The following LSAMP variants were observed in gnomAD, a reference collection of about 807,000 sequenced individuals.
LSAMP encodes the protein limbic system-associated membrane protein.
Under a neutral mutation model 38.6 loss-of-function variants are expected in LSAMP, and 7 were observed. The ratio of observed to expected loss-of-function variants is 0.18; its 90% CI spans 0.10 to 0.34. The LOEUF (loss-of-function observed/expected upper bound fraction) is 0.34, where lower values mean the gene tolerates loss of function less well. Ranked by LOEUF, LSAMP falls within the 10% of genes least tolerant of loss-of-function variation. The probability of loss-of-function intolerance (pLI) is 1.00; values close to 1 mark genes in which losing one functional copy is unlikely to be tolerated. For synonymous variants in LSAMP, 154 were observed against 166.8 expected, an observed-to-expected ratio of 0.92 and a Z score of 0.59; for missense variants, 313 against 420.0, an observed-to-expected ratio of 0.75 and a Z score of 2.23.
chr3:116,348,353 C>G (rs1027567784), intron 1 of LSAMP, among the ~76,000 whole-genome samples: 2 of 151,958 alleles, frequency 1.3e-5, no homozygotes, highest in African/African-American at 4.8e-5. Flanking sequence ...AATAAGGAAC[C>G]CATACCAAAA....
At chr3:116,121,381 G>A (rs186414482) in intron 1 of LSAMP, among the ~76,000 whole-genome samples, 26 of 151,918 alleles carry the variant, frequency 1.7e-4, no homozygotes, top group Non-Finnish European at 3.2e-4. Context: ...TCCTAGCGGA[G>A]TATAGTGGGA....
chr3:116,352,454 CAG>C (rs2048155438), intron 1 of LSAMP, among the ~76,000 whole-genome samples: 1 of 152,012 alleles, frequency 6.6e-6, no homozygotes. Context: ...CAAGTAGAGA[CAG>C]AAGAACTGAG....
At chr3:116,019,820 A>C (rs1039110727) in intron 2 of LSAMP, among the ~76,000 whole-genome samples, 180 bp from the exon 3 acceptor site, 5 of 152,284 alleles carry the variant, frequency 3.3e-5, no homozygotes, top group African/African-American at 9.6e-5. Flanking sequence ...AGTTGTCCTA[A>C]AGCACTACTA....
intron 6 of LSAMP, among the ~76,000 whole-genome samples, chr3:115,813,821 T>C (rs1933921302): frequency 6.6e-6 from 1 of 152,200 alleles, no homozygotes; most frequent in Non-Finnish European, 1.5e-5. Flanking sequence ...AAATTTCTGC[T>C]TATTTGTGGA....
chr3:116,238,244 T>G (rs1353184068), intron 1 of LSAMP, among the ~76,000 whole-genome samples: 4 of 152,228 alleles, frequency 2.6e-5, no homozygotes, highest in African/African-American at 9.6e-5. Flanking sequence ...ACGAAGTTAT[T>G]GGCTCCCTCA....
chr3:116,308,107 T>A lies in LSAMP; in HGVS notation c.155+136770A>T, dbSNP rs1576497517. Among the ~76,000 whole-genome samples the A allele has an allele frequency of 2.6e-5, 4 of 152,116 alleles. No homozygotes were observed. The Middle Eastern group carries it at 0.01, about 388-fold the overall frequency. ...AACAGAAACTTGCTCACGCTGTTTC[T>A]TCTACCTAAAAACCTTTCCCCCTAC... On this transcript the variant is annotated intron_variant, in intron 1 of 6. Coordinates refer to ENST00000490035, the MANE Select transcript of LSAMP (RefSeq NM_002338.5).
At position 115,876,394 on chromosome 3, in the gene LSAMP, T is replaced by C. The variant is rs112217626; in HGVS notation, c.515-23777A>G. 9.8e-4 allele frequency among the ~76,000 whole-genome samples: 149 copies of C among 151,644 alleles called. 1 individual carries two copies. The highest frequency in any genetic ancestry group is 3.5e-3 in the African/African-American group (143 of 41,384). On this transcript the variant is annotated intron_variant, in intron 3 of 6. Coordinates refer to ENST00000490035, the MANE Select transcript of LSAMP (RefSeq NM_002338.5). The stretch of plus-strand genomic sequence containing the variant: ...ACATTTTACACACTCTGACCAGTAA[T>C]GCATTCAGACTCACCAACCAGTCCT...
chr3:116,254,045 A>C (rs2046719383), intron 1 of LSAMP, among the ~76,000 whole-genome samples: 1 of 152,176 alleles, frequency 6.6e-6, no homozygotes, highest in African/African-American at 2.4e-5. Context: ...TCCTTCATAG[A>C]GGATGTTTAA....
chr3:116,006,864 T>C (rs929839170), intron 3 of LSAMP, among the ~76,000 whole-genome samples: 1 of 152,234 alleles, frequency 6.6e-6, no homozygotes, highest in Non-Finnish European at 1.5e-5. Context: ...TCTCCTGGAT[T>C]GTTCTATGAA....
intron 3 of LSAMP, among the ~76,000 whole-genome samples, chr3:115,904,306 TA>T (rs1936954933): frequency 6.6e-6 from 1 of 152,112 alleles, no homozygotes; most frequent in Non-Finnish European, 1.5e-5. Flanking sequence ...TTTTAATTTC[TA>T]AAACAATGTA....
rs139519367 is a variant in LSAMP at position 115,818,129 on chromosome 3, C to T, written c.920-7715G>A. ...GAACCTAGTCCATTATTCCACAATA[C>T]CCCTTTGGCAGTTTTTATGAAAGCA... is the stretch of plus-strand genomic sequence containing the variant. On this transcript the variant is annotated intron_variant, in intron 6 of 6. Transcript: ENST00000490035. 4.3e-4 allele frequency among the ~76,000 whole-genome samples: 65 copies of T among 152,218 alleles called. 1 individual carries two copies. In the East Asian group the frequency reaches 8.1e-3, roughly 19 times the overall value.
At chr3:115,956,893 G>A (rs906978818) in intron 3 of LSAMP, among the ~76,000 whole-genome samples, 1 of 152,090 alleles carries the variant, frequency 6.6e-6, no homozygotes, top group African/African-American at 2.4e-5. Flanking sequence ...CCCCTTACAG[G>A]CTTCTTGAAG....
At chr3:116,335,813 C>T (rs1452501775) in intron 1 of LSAMP, among the ~76,000 whole-genome samples, 1 of 151,950 alleles carries the variant, frequency 6.6e-6, no homozygotes, top group African/African-American at 2.4e-5. Flanking sequence ...TTGGATATAT[C>T]ATGTAATTTA....
At chr3:115,932,418 A>C (rs1200416264) in intron 3 of LSAMP, among the ~76,000 whole-genome samples, 1 of 152,252 alleles carries the variant, frequency 6.6e-6, no homozygotes, top group Non-Finnish European at 1.5e-5. Context: ...TAAAAAAATA[A>C]AAACGTTTTC....
At chr3:116,286,308 T>G (rs1436207301) in intron 1 of LSAMP, among the ~76,000 whole-genome samples, 2 of 152,188 alleles carry the variant, frequency 1.3e-5, no homozygotes, top group Admixed American at 6.5e-5. Flanking sequence ...TCCCATAAAA[T>G]TTTTAGGAAA....
intron 3 of LSAMP, among the ~76,000 whole-genome samples, chr3:115,979,773 A>G (rs1939304878): frequency 6.6e-6 from 1 of 152,144 alleles, no homozygotes; most frequent in Non-Finnish European, 1.5e-5. Context: ...AATAAAGAAC[A>G]GAGATTATTC....
chr3:116,157,548 AAAAAT>A (rs1392610483), intron 1 of LSAMP, among the ~76,000 whole-genome samples: 1 of 152,150 alleles, frequency 6.6e-6, no homozygotes, highest in African/African-American at 2.4e-5. Context: ...ATATTTCAAA[AAAAAT>A]AGAGAAGAAA....
At chr3:115,872,843 CA>C (rs1192937251) in intron 3 of LSAMP, among the ~76,000 whole-genome samples, 2 of 152,104 alleles carry the variant, frequency 1.3e-5, no homozygotes, top group Non-Finnish European at 2.9e-5. Flanking sequence ...AACTAATACT[CA>C]TTCACCAAAT....
chr3:116,162,285 T>C lies in LSAMP; in HGVS notation c.156-75729A>G, dbSNP rs550100988. Among the ~76,000 whole-genome samples, 7 of 152,246 alleles carry C rather than the reference T, an allele frequency of 4.6e-5. No homozygotes were observed. In the South Asian group the frequency reaches 1.5e-3, roughly 32 times the overall value. On this transcript the variant is annotated intron_variant, in intron 1 of 6. Transcript: ENST00000490035. ...ACATGCCTTGTGCATGGTTTGGTGT[T>C]GGTGAAATTTCATATCCTGCACAGC...
Sources: allele counts gnomAD v4.1 joint callset (sites outside exome capture counted in the v4.1 genomes callset), GRCh38; gene constraint gnomAD v4.1.1; transcripts MANE v1.5; gene names NCBI Gene and HGNC (gene_info 2026-07-23, HGNC 2026-07-21).